Variants in PDE10A observed in about 807,000 individuals in gnomAD.
The protein encoded by PDE10A is phosphodiesterase 10A.
PDE10A carries 39 observed loss-of-function variants against 97.7 expected under a neutral mutation model. The observed-to-expected ratio is 0.40, with a 90% CI of 0.31 to 0.52. The LOEUF is 0.52. Among genes scored for constraint, PDE10A ranks in the 20% least tolerant of loss-of-function variants. PDE10A has a pLI of 0.56. For synonymous variants in PDE10A, 371 were observed against 376.8 expected, an observed-to-expected ratio of 0.98 and a Z score of 0.18; for missense variants, 731 against 1,047.8, an observed-to-expected ratio of 0.70 and a Z score of 4.17.
intron 1 of PDE10A, among the ~76,000 whole-genome samples, chr6:165,724,558 G>A (rs903517192): frequency 1.3e-5 from 2 of 152,148 alleles, no homozygotes; most frequent in Non-Finnish European, 2.9e-5. Context: ...GCTTCGTCCT[G>A]TCACTTAGAC....
rs1481097010 is a variant in PDE10A at position 165,329,107 on chromosome 6, A to G, written c.*3918T>C. On this transcript the variant is annotated 3_prime_UTR_variant, in exon 22 of 22. Coordinates refer to ENST00000539869, the MANE Select transcript of PDE10A (RefSeq NM_001385079.1). ...GAATTAAATCCTAAATAAAATCTGCAAAGTGTAGAAAGCAAACATATGTTC... is the reference window on the plus strand; with the variant it reads ...GAATTAAATCCTAAATAAAATCTGCGAAGTGTAGAAAGCAAACATATGTTC... 2 of 152,240 alleles carry G rather than the reference A, an allele frequency of 1.3e-5. No homozygotes were observed. The highest frequency in any genetic ancestry group is 4.8e-5 in the African/African-American group (2 of 41,464). 9.4% of individuals were successfully genotyped at this position (152,240 alleles called of 1,614,324 possible). A position where few individuals can be genotyped will look rare whatever the true frequency, so the allele number is the denominator to read the frequency against.
At chr6:165,646,388 G>A (rs958681887) in intron 1 of PDE10A, among the ~76,000 whole-genome samples, 2 of 152,168 alleles carry the variant, frequency 1.3e-5, no homozygotes, top group African/African-American at 4.8e-5. Context: ...AAACAAGCCT[G>A]CAATTTCTTC....
intron 1 of PDE10A, among the ~76,000 whole-genome samples, chr6:165,783,602 T>C (rs1373990706): frequency 7.1e-6 from 1 of 140,788 alleles, no homozygotes; most frequent in African/African-American, 2.6e-5. Flanking sequence ...TCACATAGAA[T>C]GAAAACATCA....
intron 1 of PDE10A, among the ~76,000 whole-genome samples, chr6:165,714,543 G>C (rs1350892100): frequency 6.6e-6 from 1 of 152,196 alleles, no homozygotes; most frequent in African/African-American, 2.4e-5. Flanking sequence ...GCAACCCCAG[G>C]GGCTGGGCTG....
intron 1 of PDE10A, among the ~76,000 whole-genome samples, chr6:165,958,058 T>C (rs1374440547): frequency 1.2e-4 from 19 of 152,222 alleles, no homozygotes; most frequent in Admixed American, 1.2e-3. Context: ...GACATATTTC[T>C]GATCCTTCCC....
intron 1 of PDE10A, among the ~76,000 whole-genome samples, chr6:165,714,807 A>C (rs2128447045): frequency 6.6e-6 from 1 of 152,348 alleles, no homozygotes. Flanking sequence ...CAGTGGACAA[A>C]GTGGTGGCGG....
intron 5 of PDE10A, among the ~76,000 whole-genome samples, chr6:165,442,758 T>C (rs1190939220): frequency 2.0e-5 from 3 of 152,112 alleles, no homozygotes; most frequent in Non-Finnish European, 4.4e-5. Flanking sequence ...CCTTCTCATA[T>C]TTCAAGACCA....
At chr6:165,780,259 C>A (rs552220715) in intron 1 of PDE10A, 1 of 152,170 alleles carries the variant, frequency 6.6e-6, no homozygotes, top group Non-Finnish European at 1.5e-5. Context: ...AAAGGCCAGT[C>A]ATTTTCTTTC....
chr6:165,414,448 T>C (rs746434365), intron 12 of PDE10A, among the ~76,000 whole-genome samples: 111 of 152,356 alleles, frequency 7.3e-4, no homozygotes, highest in Middle Eastern at 3.4e-3. Context: ...TTCTCTCATT[T>C]AGCATAAAGG....
At chr6:165,916,913 G>A (rs751543658) in intron 1 of PDE10A, among the ~76,000 whole-genome samples, 1 of 152,034 alleles carries the variant, frequency 6.6e-6, no homozygotes, top group Non-Finnish European at 1.5e-5. Flanking sequence ...GCTCTCCCTC[G>A]CCCAGACCCC....
At chr6:165,725,328 G>A (rs1792264870) in intron 1 of PDE10A, among the ~76,000 whole-genome samples, 1 of 152,362 alleles carries the variant, frequency 6.6e-6, no homozygotes, top group South Asian at 2.1e-4. Context: ...AAAACAAAAA[G>A]AGCGCCCTGT....
At chr6:165,522,809 C>T (rs1400071126) in intron 2 of PDE10A, among the ~76,000 whole-genome samples, 1 of 151,846 alleles carries the variant, frequency 6.6e-6, no homozygotes, top group Non-Finnish European at 1.5e-5. Flanking sequence ...TAAAAGACAC[C>T]AAAATAGGAA....
chr6:165,643,403 T>C (rs1789241120), intron 1 of PDE10A, among the ~76,000 whole-genome samples: 1 of 152,156 alleles, frequency 6.6e-6, no homozygotes, highest in Non-Finnish European at 1.5e-5. Flanking sequence ...CTCTCCTTAG[T>C]TTGTTCTCCC....
intron 2 of PDE10A, among the ~76,000 whole-genome samples, chr6:165,524,658 T>C (rs991690942): frequency 5.7e-5 from 3 of 52,884 alleles, no homozygotes; most frequent in South Asian, 7.7e-4. Context: ...TCTGCTAAGA[T>C]TGCCCTGAGT....
chr6:165,619,260 T>C (rs1787914710), intron 1 of PDE10A, among the ~76,000 whole-genome samples: 1 of 150,440 alleles, frequency 6.6e-6, no homozygotes, highest in African/African-American at 2.5e-5. Flanking sequence ...TAGTCTAGTG[T>C]AGTGTAGTCT....
At position 165,408,300 on chromosome 6, in the gene PDE10A, T is replaced by C. The variant is rs117871240; in HGVS notation, c.2076+5201A>G. ...TTACTAATGTATGTTCTCTAGAAAG[T>C]AGAACATTCAGGAAAAGGTAGGGAA... is the stretch of plus-strand genomic sequence containing the variant. On this transcript the variant is annotated intron_variant, in intron 13 of 21. Coordinates refer to ENST00000539869, the MANE Select transcript of PDE10A (RefSeq NM_001385079.1). Among the ~76,000 whole-genome samples the C allele has an allele frequency of 2.1e-4, 32 of 152,326 alleles. No individual in the cohort carries two copies. In the East Asian group the frequency reaches 4.4e-3, roughly 21 times the overall value.
intron 2 of PDE10A, among the ~76,000 whole-genome samples, chr6:165,543,213 A>T (rs1229430086): frequency 6.6e-6 from 1 of 152,194 alleles, no homozygotes; most frequent in East Asian, 1.9e-4. Context: ...AATCAACTGA[A>T]TTCTCAAGAT....
intron 1 of PDE10A, among the ~76,000 whole-genome samples, chr6:165,709,366 C>T (rs376486237): frequency 5.6e-5 from 8 of 141,984 alleles, no homozygotes; most frequent in South Asian, 4.8e-4. Flanking sequence ...AATGCTGCCG[C>T]GCTCTCCCCG....
chr6:165,628,448 G>A (rs1002077531), intron 1 of PDE10A, among the ~76,000 whole-genome samples: 1 of 151,980 alleles, frequency 6.6e-6, no homozygotes, highest in Non-Finnish European at 1.5e-5. Context: ...CAAACTCCTG[G>A]TCTCAAGATA....
Sources: gnomAD v4.1 joint callset for allele counts (sites outside exome capture counted in the v4.1 genomes callset) on GRCh38, gnomAD v4.1.1 for gene constraint, MANE v1.5 for transcripts, NCBI Gene and HGNC (gene_info 2026-07-23, HGNC 2026-07-21) for gene names.